PTPRD: variants seen among roughly 807,000 people sequenced by gnomAD.
PTPRD encodes the protein protein tyrosine phosphatase receptor type D.
In PTPRD, 34 loss-of-function variants were observed where a neutral mutation model predicts 214.5. The ratio of observed to expected loss-of-function variants is 0.16; its 90% CI spans 0.12 to 0.21. The LOEUF (loss-of-function observed/expected upper bound fraction) is 0.21, where lower values mean the gene tolerates loss of function less well. Among genes scored for constraint, PTPRD ranks in the 10% least tolerant of loss-of-function variants. The pLI, the probability that PTPRD is intolerant of heterozygous loss-of-function variation, is 1.00. For missense variants in PTPRD, 2,545 were observed against 2,398.7 expected (o/e 1.06, Z -1.27); for synonymous variants, 1,128 against 845.7 (o/e 1.33, Z -5.79).
chr9:9,384,917 A>T (rs768400273), intron 9 of PTPRD, among the ~76,000 whole-genome samples: 36 of 152,136 alleles, frequency 2.4e-4, no homozygotes, highest in Non-Finnish European at 4.4e-4. Flanking sequence ...CACTTTAAAA[A>T]GTTGTTCATA....
intron 14 of PTPRD, among the ~76,000 whole-genome samples, chr9:8,530,022 C>T (rs913262541): frequency 6.6e-6 from 1 of 152,006 alleles, no homozygotes; most frequent in Non-Finnish European, 1.5e-5. Context: ...TAAACAGCAG[C>T]GAGCAGAACA....
chr9:9,614,757 CA>C (rs980006436), intron 7 of PTPRD, among the ~76,000 whole-genome samples: 1 of 152,034 alleles, frequency 6.6e-6, no homozygotes, highest in Non-Finnish European at 1.5e-5. Context: ...TTTTTCATAT[CA>C]AAAAACACAG....
intron 2 of PTPRD, among the ~76,000 whole-genome samples, chr9:10,507,032 A>C (rs1049928004): frequency 2.0e-5 from 3 of 152,028 alleles, no homozygotes; most frequent in Non-Finnish European, 2.9e-5. Flanking sequence ...TTCAAAGGGA[A>C]TGTTTCCTGT....
At chr9:9,208,488 C>G (rs2099946427) in intron 9 of PTPRD, among the ~76,000 whole-genome samples, 1 of 151,872 alleles carries the variant, frequency 6.6e-6, no homozygotes, top group Non-Finnish European at 1.5e-5. Flanking sequence ...TTGATATGTT[C>G]CCTTTATTTG....
intron 2 of PTPRD, among the ~76,000 whole-genome samples, chr9:10,588,795 T>A (rs2074632213): frequency 6.6e-6 from 1 of 152,016 alleles, no homozygotes. Context: ...AAAGTCTCTC[T>A]GGCCCCCTAT....
intron 3 of PTPRD, among the ~76,000 whole-genome samples, chr9:10,260,966 A>C (rs1479716798): frequency 6.7e-6 from 1 of 148,992 alleles, no homozygotes; most frequent in East Asian, 1.9e-4. Flanking sequence ...GTGTGTGTAT[A>C]TATATATGTG....
intron 14 of PTPRD, among the ~76,000 whole-genome samples, chr9:8,624,819 G>A (rs887931268): frequency 6.6e-6 from 1 of 151,720 alleles, no homozygotes; most frequent in African/African-American, 2.4e-5. Context: ...GTTTCACTCT[G>A]TCTTTGTAGT....
At chr9:8,590,905 G>C (rs2094047821) in intron 14 of PTPRD, among the ~76,000 whole-genome samples, 1 of 152,134 alleles carries the variant, frequency 6.6e-6, no homozygotes, top group Non-Finnish European at 1.5e-5. Context: ...TCCCATATGA[G>C]TTTCACTGGG....
In PTPRD at chr9:8,917,884, A is replaced by G. The variant is rs972954169; in HGVS notation, c.-104+100813T>C. Among the ~76,000 whole-genome samples, 12 of 152,076 alleles carry G rather than the reference A, an allele frequency of 7.9e-5. No homozygotes were observed. The East Asian group carries it at 2.3e-3, about 29-fold the overall frequency. ...ATTTGCAGTTTCACTTTAAAAGTTT[A>G]TTTTTCATGTGTGTGCATGTGCATG... On this transcript the variant is annotated intron_variant, in intron 11 of 45. Coordinates refer to ENST00000381196, the MANE Select transcript of PTPRD (RefSeq NM_002839.4).
At chr9:9,965,624 C>T (rs932770179) in intron 4 of PTPRD, among the ~76,000 whole-genome samples, 13 of 152,248 alleles carry the variant, frequency 8.5e-5, no homozygotes, top group African/African-American at 3.1e-4. Flanking sequence ...CTTCTTTTCT[C>T]CTCTGACCTA....
At chr9:9,094,718 T>G (rs994478697) in intron 10 of PTPRD, among the ~76,000 whole-genome samples, 1 of 152,064 alleles carries the variant, frequency 6.6e-6, no homozygotes, top group Admixed American at 6.6e-5. Flanking sequence ...CCAGATGGCT[T>G]CCCTAATAAA....
At chr9:9,836,603 C>T (rs143512671) in intron 5 of PTPRD, among the ~76,000 whole-genome samples, 1 of 152,088 alleles carries the variant, frequency 6.6e-6, no homozygotes, top group Non-Finnish European at 1.5e-5. Flanking sequence ...TAATATCAAT[C>T]CTCTTCAAAG....
intron 9 of PTPRD, among the ~76,000 whole-genome samples, chr9:9,336,632 A>G (rs1022177166): frequency 3.9e-5 from 6 of 152,152 alleles, no homozygotes; most frequent in African/African-American, 7.2e-5. Flanking sequence ...TGCTTTGTAT[A>G]CAAAACCACA....
chr9:10,443,595 T>C (rs1472975889), intron 2 of PTPRD, among the ~76,000 whole-genome samples: 3 of 151,710 alleles, frequency 2.0e-5, no homozygotes, highest in Non-Finnish European at 4.4e-5. Context: ...TAATGTTACA[T>C]TACTTGATGC....
At chr9:8,663,451 AG>A (rs111974118) in intron 12 of PTPRD, among the ~76,000 whole-genome samples, 26,654 of 151,744 alleles carry the variant, frequency 0.18, 3,047 homozygotes, top group African/African-American at 0.33. Flanking sequence ...TGATTGTAAA[AG>A]CATAGCTGTG....
intron 5 of PTPRD, among the ~76,000 whole-genome samples, chr9:9,829,849 C>T (rs932668651): frequency 1.3e-5 from 2 of 151,716 alleles, no homozygotes; most frequent in East Asian, 3.9e-4. Context: ...AATATTCTGT[C>T]ATCAAGCATT....
chr9:10,023,749 G>A (rs1264027924), intron 4 of PTPRD, among the ~76,000 whole-genome samples: 1 of 149,430 alleles, frequency 6.7e-6, no homozygotes, highest in Non-Finnish European at 1.5e-5. Context: ...TGCTACAGAA[G>A]TGTTAAGTCC....
chr9:9,628,147 TA>T (rs976167061), intron 7 of PTPRD, among the ~76,000 whole-genome samples: 19 of 152,340 alleles, frequency 1.2e-4, no homozygotes, highest in Admixed American at 6.5e-4. Context: ...TATGATACTG[TA>T]TAAATGTAGG....
At chr9:10,470,063 T>G (rs1315419984) in intron 2 of PTPRD, among the ~76,000 whole-genome samples, 1 of 151,928 alleles carries the variant, frequency 6.6e-6, no homozygotes, top group Non-Finnish European at 1.5e-5. Flanking sequence ...GGTACCAAAA[T>G]AGGGGGCTTA....
Sources: gnomAD v4.1 joint callset for allele counts (sites outside exome capture counted in the v4.1 genomes callset) on GRCh38, gnomAD v4.1.1 for gene constraint, MANE v1.5 for transcripts, NCBI Gene and HGNC (gene_info 2026-07-23, HGNC 2026-07-21) for gene names.